MAPRE3: variants seen among roughly 807,000 people sequenced by gnomAD.
MAPRE3 encodes microtubule associated protein RP/EB family member 3.
Under a neutral mutation model 30.5 loss-of-function variants are expected in MAPRE3, and 2 were observed. The observed-to-expected ratio is 0.07, with a 90% CI of 0.03 to 0.21. The LOEUF (loss-of-function observed/expected upper bound fraction) is 0.21, where lower values mean the gene tolerates loss of function less well. MAPRE3 is among the 10% of genes least tolerant of loss of function. The pLI, the probability that MAPRE3 is intolerant of heterozygous loss-of-function variation, is 1.00. For missense variants in MAPRE3, 204 were observed against 351.8 expected, an observed-to-expected ratio of 0.58 and a Z score of 3.36; for synonymous variants, 110 against 127.7, an observed-to-expected ratio of 0.86 and a Z score of 0.93.
At chr2:26,978,125 C>T (rs936816086) in intron 1 of MAPRE3, among the ~76,000 whole-genome samples, 6 of 152,274 alleles carry the variant, frequency 3.9e-5, no homozygotes, top group East Asian at 1.9e-4. Flanking sequence ...CTCCACCACT[C>T]GGAGAGAGTG....
At chr2:27,017,803 ATG>A (rs34348240) in intron 1 of MAPRE3, among the ~76,000 whole-genome samples, 86,814 of 151,498 alleles carry the variant, frequency 0.57, 25,356 homozygotes, top group East Asian at 0.76. Context: ...CTTTAAAATT[ATG>A]TGTGTGTGTG....
Position 26,975,752 on chromosome 2 carries a change from T to C in MAPRE3, c.-8+4950T>C, listed in dbSNP as rs76417326. Among the ~76,000 whole-genome samples the C allele has an allele frequency of 8.4e-3, 1,277 of 152,026 alleles. 13 individuals carry two copies. The highest frequency in any genetic ancestry group is 0.029 in the African/African-American group (1,183 of 41,264). On this transcript the variant is annotated intron_variant, in intron 1 of 6. Transcript: ENST00000233121. ...GTGATTGTTGTTCAGTAAATACATT[T>C]TGGTACAAAAGAAGCAGCTGCCTTT...
chr2:26,976,628 G>GT (rs1342661952), intron 1 of MAPRE3, among the ~76,000 whole-genome samples: 2 of 152,186 alleles, frequency 1.3e-5, no homozygotes, highest in East Asian at 3.8e-4. Flanking sequence ...CATAACGTCA[G>GT]TGTTTTAGGC....
intron 1 of MAPRE3, among the ~76,000 whole-genome samples, chr2:26,978,463 T>C (rs949543570): frequency 6.6e-6 from 1 of 152,060 alleles, no homozygotes; most frequent in Non-Finnish European, 1.5e-5. Context: ...CTGAAGGTTA[T>C]TGACACTTAC....
intron 1 of MAPRE3, among the ~76,000 whole-genome samples, chr2:27,001,308 A>G (rs186545621): frequency 2.6e-5 from 4 of 152,344 alleles, no homozygotes; most frequent in African/African-American, 9.6e-5. Context: ...TGCACTGGAT[A>G]CTGTAGGCAA....
At chr2:27,013,977 C>T (rs1263021833) in intron 1 of MAPRE3, 1 of 152,198 alleles carries the variant, frequency 6.6e-6, no homozygotes, top group Non-Finnish European at 1.5e-5. Flanking sequence ...TGGATATCTT[C>T]GCCTACTTGC....
chr2:27,015,243 A>G lies in MAPRE3; in HGVS notation c.-7-6969A>G, dbSNP rs934460554. 6.6e-6 allele frequency among the ~76,000 whole-genome samples: 1 copy of G among 152,244 alleles called. No homozygotes were observed. Among genetic ancestry groups the G allele is most frequent in the African/African-American group, 2.4e-5 (1 of 41,458 alleles). On this transcript the variant is annotated intron_variant, in intron 1 of 6. Transcript: ENST00000233121. The surrounding 1 kb of genome is among the most constrained non-coding windows in gnomAD (Gnocchi z 4.0). ...CCCGCGATGCTGACAGCACTTGCCAAATACATACTGAATGTCAGGCTCTGT... is the reference window on the plus strand; with the variant it reads ...CCCGCGATGCTGACAGCACTTGCCAGATACATACTGAATGTCAGGCTCTGT...
At chr2:27,003,471 T>C (rs1254756940) in intron 1 of MAPRE3, among the ~76,000 whole-genome samples, 1 of 152,152 alleles carries the variant, frequency 6.6e-6, no homozygotes, top group Non-Finnish European at 1.5e-5. Context: ...TCTTGAGAGG[T>C]GACACCCTCA....
At chr2:27,023,129 G>A (rs1422192037) in intron 2 of MAPRE3, among the ~76,000 whole-genome samples, 1 of 152,204 alleles carries the variant, frequency 6.6e-6, no homozygotes, top group African/African-American at 2.4e-5. Flanking sequence ...TGTGGTGCTG[G>A]TTCATAATAC....
chr2:27,020,278 C>T (rs1039883005), intron 1 of MAPRE3, among the ~76,000 whole-genome samples: 4 of 152,062 alleles, frequency 2.6e-5, no homozygotes, highest in Non-Finnish European at 4.4e-5. Flanking sequence ...CAGATGCCTG[C>T]GACAGGCAGG....
chr2:27,013,361 C>T (rs1239820551), intron 1 of MAPRE3: 1 of 152,212 alleles, frequency 6.6e-6, no homozygotes, highest in East Asian at 1.9e-4. Flanking sequence ...CTGTTTAAAT[C>T]CCTTGCCAAG....
chr2:26,999,488 C>CTTCTTTTTT (rs1666539278), intron 1 of MAPRE3, among the ~76,000 whole-genome samples: 1 of 79,006 alleles, frequency 1.3e-5, no homozygotes, highest in Non-Finnish European at 2.3e-5. Flanking sequence ...TTCCTTCTTT[C>CTTCTTTTTT]TTTTTTTTTT....
chr2:26,984,236 C>T (rs1175173643), intron 1 of MAPRE3, among the ~76,000 whole-genome samples: 2 of 152,158 alleles, frequency 1.3e-5, no homozygotes, highest in African/African-American at 4.8e-5. Flanking sequence ...TGCTGGATGA[C>T]AAATATAATT....
intron 1 of MAPRE3, among the ~76,000 whole-genome samples, chr2:27,002,682 T>G (rs911738296): frequency 6.6e-6 from 1 of 152,210 alleles, no homozygotes. Context: ...CTGTCCTGTA[T>G]GTCCAGGCAG....
At chr2:27,001,780 G>A (rs771005572) in intron 1 of MAPRE3, among the ~76,000 whole-genome samples, 2 of 152,194 alleles carry the variant, frequency 1.3e-5, no homozygotes, top group East Asian at 1.9e-4. Flanking sequence ...AACCACTGTC[G>A]TACATGCAGT....
Position 27,023,694 on chromosome 2 carries a change from C to T in MAPRE3, c.267+217C>T, listed in dbSNP as rs1467626987. The stretch of plus-strand genomic sequence containing the variant: ...ATCATGACAACATTCCTTTCCCTTC[C>T]TCCTCTCTGGACCCTGCCCACCCCA... On this transcript the variant is annotated intron_variant, in intron 3 of 6. Transcript: ENST00000233121. 2.1e-5 allele frequency: 12 copies of T among 579,708 alleles called. No individual in the cohort carries two copies. In the South Asian group the frequency reaches 2.3e-4, roughly 11 times the overall value. The allele number at this position is 579,708 out of a possible 1,614,324, so 35.9% of individuals were successfully genotyped here.
At chr2:26,990,980 G>A (rs746764448) in intron 1 of MAPRE3, among the ~76,000 whole-genome samples, 142 of 152,310 alleles carry the variant, frequency 9.3e-4, no homozygotes, top group Middle Eastern at 3.4e-3. Flanking sequence ...ATCCACGGCC[G>A]GGCAGTCTCA....
At chr2:26,999,047 G>A (rs6726655) in intron 1 of MAPRE3, among the ~76,000 whole-genome samples, 3,584 of 152,216 alleles carry the variant, frequency 0.024, 168 homozygotes, top group African/African-American at 0.083. Flanking sequence ...AAGCCAAGGC[G>A]GGGAGGGATT....
At chr2:26,973,904 A>G (rs1665965950) in intron 1 of MAPRE3, among the ~76,000 whole-genome samples, 1 of 152,230 alleles carries the variant, frequency 6.6e-6, no homozygotes, top group Admixed American at 6.5e-5. Context: ...ATTTGCTTAC[A>G]GATACATTTG....
Sources: gnomAD v4.1 joint callset for allele counts (sites outside exome capture counted in the v4.1 genomes callset) on GRCh38, gnomAD v4.1.1 for gene constraint, Gnocchi (gnomAD v3.1) non-coding constraint, MANE v1.5 for transcripts, NCBI Gene and HGNC (gene_info 2026-07-23, HGNC 2026-07-21) for gene names.